The following FAAH2 variants were observed in gnomAD, a reference collection of about 807,000 sequenced individuals.
The protein encoded by FAAH2 is fatty acid amide hydrolase 2.
FAAH2 carries 60 observed loss-of-function variants against 36.9 expected under a neutral mutation model. That is an observed-to-expected ratio of 1.63 (90% CI 1.32 to 2.02). FAAH2 has a LOEUF of 2.02. FAAH2 is among the 30% of genes most tolerant of loss of function. FAAH2 has a pLI of 0.00. For synonymous variants in FAAH2, 214 were observed against 143.8 expected, an observed-to-expected ratio of 1.49 and a Z score of -3.49; for missense variants, 689 against 397.5, an observed-to-expected ratio of 1.73 and a Z score of -6.23.
At chrX:57,453,423 C>T (rs915842647) in intron 10 of FAAH2, among the ~76,000 whole-genome samples, 2 of 112,396 alleles carry the variant, frequency 1.8e-5, no homozygotes, top group African/African-American at 6.5e-5. Flanking sequence ...AGCAGTTCCT[C>T]TTCTTTCTGA....
At position 57,466,063 on chromosome X, in the gene FAAH2, C is replaced by T. The variant is rs184161055; in HGVS notation, c.1423+17345C>T. Among the ~76,000 whole-genome samples the T allele has an allele frequency of 6.6e-4, 70 of 106,783 alleles. 1 individual carries two copies. The highest frequency in any genetic ancestry group is 2.0e-3 in the African/African-American group (59 of 29,471). 92.7% of individuals were successfully genotyped at this position (106,783 alleles called of 115,157 possible). On this transcript the variant is annotated intron_variant, in intron 10 of 10. Transcript: ENST00000374900. ...TTTTTCTTGTCTTCTTTCATACACA[C>T]GCACACATAAAAACACATACATACA...
chrX:57,245,954 A>G, the FAAH2 span, among the ~76,000 whole-genome samples: 39 of 111,592 alleles, frequency 3.5e-4, no homozygotes, highest in African/African-American at 1.1e-3. Flanking sequence ...TTTTTTAAAG[A>G]TCAACAAAAT....
At chrX:57,384,056 A>T (rs1211789243) in intron 7 of FAAH2, among the ~76,000 whole-genome samples, 1 of 111,906 alleles carries the variant, frequency 8.9e-6, no homozygotes, top group East Asian at 2.8e-4. Context: ...CAAGCCTGAC[A>T]AAAACAAGAA....
chrX:57,353,841 T>C (rs1434825057), intron 5 of FAAH2, among the ~76,000 whole-genome samples: 2 of 111,183 alleles, frequency 1.8e-5, no homozygotes, highest in African/African-American at 6.5e-5. Context: ...AATATGTATA[T>C]GAAAAACGCT....
At chrX:57,305,649 A>G (rs1170022321) in intron 2 of FAAH2, among the ~76,000 whole-genome samples, 2 of 111,790 alleles carry the variant, frequency 1.8e-5, no homozygotes, top group African/African-American at 6.5e-5. Flanking sequence ...CAGACTCCCT[A>G]GAACGCCATG....
intron 7 of FAAH2, among the ~76,000 whole-genome samples, chrX:57,419,721 A>C (rs1292631813): frequency 1.8e-5 from 2 of 111,745 alleles, no homozygotes; most frequent in Non-Finnish European, 3.8e-5. Context: ...TCTTGAGTTT[A>C]ATTAGATCCC....
chrX:57,137,028 C>T, the FAAH2 span: 2 of 834,618 alleles, frequency 2.4e-6, no homozygotes, highest in African/African-American at 4.3e-5. Context: ...TACCTACCTC[C>T]CTTGCTTCCT....
chrX:57,342,916 T>A (rs1222892550), intron 5 of FAAH2, among the ~76,000 whole-genome samples: 1 of 111,812 alleles, frequency 8.9e-6, no homozygotes, highest in East Asian at 2.8e-4. Flanking sequence ...AGGATAATAA[T>A]GGCCTCTAGC....
At chrX:57,160,806 A>G in the FAAH2 span, among the ~76,000 whole-genome samples, 2 of 111,708 alleles carry the variant, frequency 1.8e-5, no homozygotes, top group African/African-American at 6.5e-5. Context: ...TTTTCAAAAA[A>G]CCAGCTCCTG....
At chrX:57,462,516 A>G (rs769826702) in intron 10 of FAAH2, among the ~76,000 whole-genome samples, 1 of 112,478 alleles carries the variant, frequency 8.9e-6, no homozygotes, top group African/African-American at 3.2e-5. Context: ...ACGCAAATCA[A>G]TAAACATAAC....
At chrX:57,468,493 A>T (rs764574511) in intron 10 of FAAH2, among the ~76,000 whole-genome samples, 1 of 112,274 alleles carries the variant, frequency 8.9e-6, no homozygotes, top group South Asian at 3.7e-4. Context: ...AAGAAAGGGT[A>T]TCAGTGATTG....
At chrX:57,319,985 C>T (rs1250485186) in intron 3 of FAAH2, among the ~76,000 whole-genome samples, 3 of 111,617 alleles carry the variant, frequency 2.7e-5, no homozygotes, top group Non-Finnish European at 1.9e-5. Flanking sequence ...TGAAACTGGA[C>T]CTCTTTCTTA....
At chrX:57,300,562 G>A (rs1371428315) in intron 2 of FAAH2, among the ~76,000 whole-genome samples, 1 of 111,902 alleles carries the variant, frequency 8.9e-6, no homozygotes, top group Non-Finnish European at 1.9e-5. Context: ...AGGACTTCAT[G>A]TCTAAAACAC....
intron 10 of FAAH2, among the ~76,000 whole-genome samples, chrX:57,463,172 T>G (rs1172861396): frequency 1.8e-5 from 2 of 110,929 alleles, no homozygotes; most frequent in South Asian, 7.5e-4. Flanking sequence ...CACAAACAAA[T>G]GAAAAAACAT....
chrX:57,418,076 C>A (rs969149481), intron 7 of FAAH2, among the ~76,000 whole-genome samples: 1 of 111,343 alleles, frequency 9.0e-6, no homozygotes, highest in Admixed American at 9.5e-5. Context: ...GCCCTCCCTC[C>A]CCCCACCATG....
At chrX:57,441,883 G>A (rs1044924688) in intron 8 of FAAH2, among the ~76,000 whole-genome samples, 3 of 111,439 alleles carry the variant, frequency 2.7e-5, no homozygotes, top group African/African-American at 3.3e-5. Context: ...AGTCATTCAC[G>A]AGCAGGTTGT....
rs146496588 is a variant in FAAH2, at chrX:57,373,389, C to CTT, written c.743-5251_743-5250dup. Among the ~76,000 whole-genome samples, 158 of 101,719 alleles carry CTT rather than the reference C, an allele frequency of 1.6e-3. 1 individual carries two copies. The South Asian group carries it at 0.024, about 15-fold the overall frequency. The allele number at this position is 101,719 out of a possible 115,157, so 88.3% of individuals were successfully genotyped here. On this transcript the variant is annotated intron_variant, in intron 5 of 10. Coordinates refer to ENST00000374900, the MANE Select transcript of FAAH2 (RefSeq NM_174912.4). ...TTTTTCAATGCATCCATGCCAACATCTTTTTTTTTTTTATTTGATTATGGC... is the reference window on the plus strand; with the variant it reads ...TTTTTCAATGCATCCATGCCAACATCTTTTTTTTTTTTTTATTTGATTATGGC...
At chrX:57,290,866 A>G (rs1317436607) in intron 1 of FAAH2, among the ~76,000 whole-genome samples, 1 of 111,702 alleles carries the variant, frequency 9.0e-6, no homozygotes, top group Non-Finnish European at 1.9e-5. Context: ...ATAATTTGCC[A>G]TTTTAGTTTT....
At chrX:57,393,092 C>T (rs1244867464) in intron 7 of FAAH2, 2 of 928,177 alleles carry the variant, frequency 2.2e-6, no homozygotes, top group Non-Finnish European at 3.1e-6. Flanking sequence ...CCAGTGAGTG[C>T]ACTTCACGGC....
Sources: allele counts gnomAD v4.1 joint callset (sites outside exome capture counted in the v4.1 genomes callset), GRCh38; gene constraint gnomAD v4.1.1; transcripts MANE v1.5; gene names NCBI Gene and HGNC (gene_info 2026-07-23, HGNC 2026-07-21).